The following SLC30A6 variants were observed in gnomAD, a reference collection of about 807,000 sequenced individuals.
The protein encoded by SLC30A6 is zinc transporter 6.
Under a neutral mutation model 63.0 loss-of-function variants are expected in SLC30A6, and 55 were observed. That is an observed-to-expected ratio of 0.87 (90% CI 0.70 to 1.09). SLC30A6 has a LOEUF of 1.09. SLC30A6 is among the 50% of genes least tolerant of loss of function. The pLI is 0.00. For missense variants in SLC30A6, 587 were observed against 549.2 expected (o/e 1.07, Z -0.69); for synonymous variants, 224 against 186.1 (o/e 1.20, Z -1.66).
intron 5 of SLC30A6, among the ~76,000 whole-genome samples, chr2:32,187,921 C>T (rs758413521): frequency 6.6e-6 from 1 of 152,176 alleles, no homozygotes; most frequent in Middle Eastern, 3.2e-3. Context: ...CCAGCCCAGA[C>T]CAAGCTACTT....
At chr2:32,190,698 C>G (rs2148848668) in intron 5 of SLC30A6, among the ~76,000 whole-genome samples, 1 of 152,234 alleles carries the variant, frequency 6.6e-6, no homozygotes, top group East Asian at 1.9e-4. Flanking sequence ...CAATTCGGCT[C>G]ACTTCAACCT....
At position 32,202,960 on chromosome 2, in the gene SLC30A6, G is replaced by T. The variant is rs531384475; in HGVS notation, c.666-1630G>T. 182 of 1,135,962 alleles carry T rather than the reference G, an allele frequency of 1.6e-4. 1 individual carries two copies. Among genetic ancestry groups the T allele is most frequent in the Non-Finnish European group, 1.9e-4 (144 of 745,560 alleles). 70.4% of individuals were successfully genotyped at this position (1,135,962 alleles called of 1,614,324 possible). A position where few individuals can be genotyped will look rare whatever the true frequency, so the allele number is the denominator to read the frequency against. ...GGAGATGTCCTTCAAGTCTACAGTG[G>T]GTCTGAAGGGACGGCTATTATTTTC... is the stretch of plus-strand genomic sequence containing the variant. On this transcript the variant is annotated intron_variant, in intron 10 of 13. Transcript: ENST00000282587.
intron 10 of SLC30A6, chr2:32,202,269 GAA>G (rs1318827868): frequency 1.7e-6 from 1 of 588,810 alleles, no homozygotes; most frequent in Non-Finnish European, 2.8e-6. Flanking sequence ...GAACAGGAAA[GAA>G]AGACATTCTA....
At chr2:32,178,602 G>A (rs1245105409) in intron 4 of SLC30A6, among the ~76,000 whole-genome samples, 1 of 152,114 alleles carries the variant, frequency 6.6e-6, no homozygotes, top group African/African-American at 2.4e-5. Flanking sequence ...GAACCTGGTG[G>A]GACAGAGATT....
At chr2:32,218,159 G>A (rs184112143) in intron 13 of SLC30A6, among the ~76,000 whole-genome samples, 56 of 152,112 alleles carry the variant, frequency 3.7e-4, no homozygotes, top group Admixed American at 2.7e-3. Context: ...GGTGGCTCAC[G>A]CCCGTAATCC....
chr2:32,184,268 C>T lies in SLC30A6; in HGVS notation c.219-5C>T. ...AATACTAAATTTATTTTTCTTTTTACTTAGTTTAATGACATGTTTAATAAG... is the reference window on the plus strand; with the variant it reads ...AATACTAAATTTATTTTTCTTTTTATTTAGTTTAATGACATGTTTAATAAG... On this transcript the variant is annotated splice_region_variant and splice_polypyrimidine_tract_variant and intron_variant, in intron 4 of 13. Coordinates refer to ENST00000282587, the MANE Select transcript of SLC30A6 (RefSeq NM_017964.5). 1.3e-6 allele frequency: 2 copies of T among 1,485,294 alleles called. No individual in the cohort carries two copies. The highest frequency in any genetic ancestry group is 1.8e-6 in the Non-Finnish European group (2 of 1,099,970). The allele number at this position is 1,485,294 out of a possible 1,614,324, so 92.0% of individuals were successfully genotyped here. A position where few individuals can be genotyped will look rare whatever the true frequency, so the allele number is the denominator to read the frequency against.
intron 5 of SLC30A6, among the ~76,000 whole-genome samples, chr2:32,189,036 C>T (rs1204458438): frequency 6.6e-6 from 1 of 152,140 alleles, no homozygotes; most frequent in East Asian, 1.9e-4. Flanking sequence ...ATGACTTTCA[C>T]TTTTTAGCTA....
chr2:32,174,904 A>G (rs1222247637), intron 3 of SLC30A6, among the ~76,000 whole-genome samples: 2 of 152,120 alleles, frequency 1.3e-5, no homozygotes, highest in African/African-American at 2.4e-5. Context: ...GCAGTTTGTA[A>G]GTTAGATTTT....
intron 3 of SLC30A6, among the ~76,000 whole-genome samples, chr2:32,174,480 A>G (rs1286148004): frequency 6.6e-6 from 1 of 152,058 alleles, no homozygotes; most frequent in Non-Finnish European, 1.5e-5. Context: ...GGCGTAAGCC[A>G]CAATGCCTGG....
chr2:32,214,315 A>C (rs1257512032), intron 13 of SLC30A6: 1 of 152,178 alleles, frequency 6.6e-6, no homozygotes, highest in Non-Finnish European at 1.5e-5. Flanking sequence ...GTTTTTGTAA[A>C]TCTGAAAATA....
At chr2:32,215,163 A>G (rs1685586586) in intron 13 of SLC30A6, among the ~76,000 whole-genome samples, 1 of 152,096 alleles carries the variant, frequency 6.6e-6, no homozygotes, top group African/African-American at 2.4e-5. Context: ...AGAGACCAAC[A>G]TGGAGTGTCT....
At chr2:32,200,839 A>AAAAAAT (rs1553336180) in intron 10 of SLC30A6, among the ~76,000 whole-genome samples, 4 of 151,260 alleles carry the variant, frequency 2.6e-5, no homozygotes, top group Admixed American at 2.0e-4. Flanking sequence ...ATAAAGAAAA[A>AAAAAAT]AATAATAATA....
chr2:32,197,297 GT>G (rs151324916), intron 8 of SLC30A6, 46 bp from the exon 9 acceptor site: 24 of 1,479,582 alleles, frequency 1.6e-5, no homozygotes, highest in South Asian at 5.2e-5. Flanking sequence ...TCAGGTAGTG[GT>G]TTTTTTTTCT....
chr2:32,220,741 T>A lies in SLC30A6; in HGVS notation c.*28T>A. The A allele has an allele frequency of 6.3e-7, 1 of 1,576,174 alleles. No individual in the cohort carries two copies. The highest frequency in any genetic ancestry group is 8.6e-7 in the Non-Finnish European group (1 of 1,160,612). The stretch of plus-strand genomic sequence containing the variant: ...GACTCTAACTTATTTTTATAAGGAA[T>A]ATTGACTCCTTGGCTTCCAATTTAT... On this transcript the variant is annotated 3_prime_UTR_variant, in exon 14 of 14. Transcript: ENST00000282587.
chr2:32,188,595 G>A (rs1243929446), intron 5 of SLC30A6, among the ~76,000 whole-genome samples: 2 of 152,104 alleles, frequency 1.3e-5, no homozygotes, highest in East Asian at 3.9e-4. Context: ...TCATGAGATC[G>A]AGGCAGGAGA....
intron 5 of SLC30A6, 64 bp downstream of exon 5, chr2:32,184,402 G>C: frequency 1.1e-6 from 1 of 880,150 alleles, no homozygotes; most frequent in South Asian, 2.4e-5. Context: ...TATAGTAGAC[G>C]ATAAAGAGCT....
chr2:32,183,031 AC>A (rs1386662422), intron 4 of SLC30A6, among the ~76,000 whole-genome samples: 1 of 152,042 alleles, frequency 6.6e-6, no homozygotes, highest in East Asian at 1.9e-4. Flanking sequence ...TACTAAAAAT[AC>A]AAAAATTAGC....
At position 32,221,362 on chromosome 2, in the gene SLC30A6, A is replaced by T. The variant is rs1228122922; in HGVS notation, c.*649A>T. 6.5e-6 allele frequency: 1 copy of T among 153,266 alleles called. No homozygotes were observed. The highest frequency in any genetic ancestry group is 1.5e-5 in the Non-Finnish European group (1 of 68,926). 9.5% of individuals were successfully genotyped at this position (153,266 alleles called of 1,614,324 possible). A position where few individuals can be genotyped will look rare whatever the true frequency, so the allele number is the denominator to read the frequency against. On this transcript the variant is annotated 3_prime_UTR_variant, in exon 14 of 14. Coordinates refer to ENST00000282587, the MANE Select transcript of SLC30A6 (RefSeq NM_017964.5). ...TTTAGTAAAGACGGGGGATTTCACCATGTTGGCCAGGCTGGTCTTGAACTC... is the reference window on the plus strand; with the variant it reads ...TTTAGTAAAGACGGGGGATTTCACCTTGTTGGCCAGGCTGGTCTTGAACTC...
At chr2:32,175,708 G>A (rs765007344) in intron 4 of SLC30A6, among the ~76,000 whole-genome samples, 1 of 152,180 alleles carries the variant, frequency 6.6e-6, no homozygotes, top group Non-Finnish European at 1.5e-5. Context: ...AGGTGGGGCG[G>A]CTCATGCCTG....
Sources: gnomAD v4.1 joint callset for allele counts (sites outside exome capture counted in the v4.1 genomes callset) on GRCh38, gnomAD v4.1.1 for gene constraint, MANE v1.5 for transcripts, NCBI Gene and HGNC (gene_info 2026-07-23, HGNC 2026-07-21) for gene names.